The following DNAJB5 variants were observed in gnomAD, a reference collection of about 807,000 sequenced individuals.
DNAJB5 encodes DnaJ heat shock protein family (Hsp40) member B5, also known as dnaJ homolog subfamily B member 5.
DNAJB5 carries 12 observed loss-of-function variants against 32.6 expected under a neutral mutation model. That is an observed-to-expected ratio of 0.37 (90% CI 0.24 to 0.60). The LOEUF (loss-of-function observed/expected upper bound fraction) is 0.60. DNAJB5 is among the 20% of genes least tolerant of loss of function. DNAJB5 has a pLI of 0.71. For synonymous variants in DNAJB5, 188 were observed against 212.9 expected (o/e 0.88, Z 1.02); for missense variants, 358 against 554.2 (o/e 0.65, Z 3.55).
Position 34,993,416 on chromosome 9 carries a change from G to A in DNAJB5, c.399G>A (p.Arg133=). 3 of 1,613,580 alleles carry A rather than the reference G, an allele frequency of 1.9e-6. No homozygotes were observed. Among genetic ancestry groups the A allele is most frequent in the Non-Finnish European group, 2.5e-6 (3 of 1,179,910 alleles). ...AYDVLSDPKK[R]GLYDQYGEEG... ...ATGTGCTAAGTGACCCCAAGAAACG[G>A]GGCCTGTATGACCAGTATGGGGAGG... Residue 133 remains arginine, a synonymous_variant, in exon 3 of 5, where the codon CGG becomes CGA. Coordinates refer to ENST00000682809, the MANE Select transcript of DNAJB5 (RefSeq NM_001349723.3). This position sits in a 1 kb window ranked among gnomAD's most constrained non-coding sequence, Gnocchi z 4.7.
Position 34,996,648 on chromosome 9 carries a change from C to T in DNAJB5, c.811C>T (p.Pro271Ser). Residue 271 changes from proline (P) to serine (S), a missense_variant, in exon 4 of 5, where the codon CCT becomes TCT. Physicochemically the swap from Pro to Ser is moderately conservative, Grantham distance 74. Transcript: ENST00000682809. The surrounding 1 kb of genome is among the most constrained non-coding windows in gnomAD (Gnocchi z 7.2). The stretch of plus-strand genomic sequence containing the variant: ...GAAGATCACAAGGCGTCGCCTCAAC[C>T]CTGATGGGCGAACTGTGCGCACCGA... ...RMKITRRRLN[P>S]DGRTVRTEDK... 6.2e-7 allele frequency: 1 copy of T among 1,614,140 alleles called. No individual in the cohort carries two copies. The highest frequency in any genetic ancestry group is 1.1e-5 in the South Asian group (1 of 91,086).
chr9:34,989,941 TGGGGATGC>T (rs995712085), intron 1 of DNAJB5, 110 bp downstream of exon 1: 1 of 1,080,102 alleles, frequency 9.3e-7, no homozygotes, highest in African/African-American at 1.8e-5. Flanking sequence ...TCTGCTGCCT[TGGGGATGC>T]GGGGCCCCGG....
chr9:34,993,436 G>T lies in DNAJB5; in HGVS notation c.419G>T (p.Gly140Val). Residue 140 changes from glycine to valine, a missense_variant, in exon 3 of 5, where the codon GGG (glycine) becomes GTG (valine). Gly to Val is a moderately radical substitution (Grantham distance 109, BLOSUM62 -3). Transcript: ENST00000682809. This position sits in a 1 kb window ranked among gnomAD's most constrained non-coding sequence, Gnocchi z 4.7. ...PKKRGLYDQY[G>V]EEGLKTGGGT... The stretch of plus-strand genomic sequence containing the variant: ...AAACGGGGCCTGTATGACCAGTATG[G>T]GGAGGAAGGTAAGAGGGCAGCACTC... The T allele has an allele frequency of 6.2e-7, 1 of 1,611,458 alleles. No homozygotes were observed. Among genetic ancestry groups the T allele is most frequent in the Non-Finnish European group, 8.5e-7 (1 of 1,179,398 alleles).
In DNAJB5 at chr9:34,996,521, C is replaced by A. The variant is rs776554155; in HGVS notation, c.684C>A (p.Ala228=). The A allele has an allele frequency of 1.2e-6, 2 of 1,614,136 alleles. No homozygotes were observed. The highest frequency in any genetic ancestry group is 1.7e-5 in the Admixed American group (1 of 60,022). ...FNGLSRGPRR[A]PEPLYPRRKV... ...GGCTGAGTAGGGGTCCAAGGCGAGC[C>A]CCAGAACCACTGTACCCTCGGCGCA... Residue 228 remains alanine, a synonymous_variant, in exon 4 of 5, where the codon GCC becomes GCA. Transcript: ENST00000682809. This position sits in a 1 kb window ranked among gnomAD's most constrained non-coding sequence, Gnocchi z 7.2.
chr9:34,997,071 G>C lies in DNAJB5; in HGVS notation c.1075G>C (p.Val359Leu), dbSNP rs754039902. The C allele has an allele frequency of 6.2e-7, 1 of 1,614,134 alleles. No individual in the cohort carries two copies. Among genetic ancestry groups the C allele is most frequent in the Non-Finnish European group, 8.5e-7 (1 of 1,180,052 alleles). Reference sequence around the variant, plus strand: ...GAACATTCCCACTATCGACGGCCGAGTGATCCCTTTGCCCTGCAATGATGT... The same window carrying C: ...GAACATTCCCACTATCGACGGCCGACTGATCCCTTTGCCCTGCAATGATGT... ...TVNIPTIDGR[V>L]IPLPCNDVIK... The change falls in exon 5 of 5, where the codon GTG becomes CTG. Residue 359 changes from valine to leucine, a missense_variant. This residue lies in a region of DNAJB5 where 248 missense variants were observed against 442.6 expected (regional missense o/e 0.56). Transcript: ENST00000682809. The surrounding 1 kb of genome is among the most constrained non-coding windows in gnomAD (Gnocchi z 4.1).
At chr9:34,991,686 G>A (rs1827649795) in intron 2 of DNAJB5, 1 of 249,772 alleles carries the variant, frequency 4.0e-6, no homozygotes, top group Non-Finnish European at 7.6e-6. Context: ...CCCCAACGAG[G>A]TGCTCTTTCT....
chr9:34,990,790 C>G lies in DNAJB5; in HGVS notation c.160C>G (p.Leu54Val). 6.4e-7 allele frequency: 1 copy of G among 1,551,472 alleles called. No individual in the cohort carries two copies. The highest frequency in any genetic ancestry group is 8.7e-7 in the Non-Finnish European group (1 of 1,146,882). ...GCCCTTAAAACTTCGAGCGTGGACGCTGAATGGGTTTGTAAAGTTTCGGTA... is the reference window on the plus strand; with the variant it reads ...GCCCTTAAAACTTCGAGCGTGGACGGTGAATGGGTTTGTAAAGTTTCGGTA... ...LEPLKLRAWTLNGFVKFRNKE... is the reference protein window; with the variant it reads ...LEPLKLRAWTVNGFVKFRNKE... Residue 54 changes from leucine (L) to valine (V), a missense_variant, in exon 2 of 5, where the codon CTG becomes GTG. Coordinates refer to ENST00000682809, the MANE Select transcript of DNAJB5 (RefSeq NM_001349723.3). This position sits in a 1 kb window ranked among gnomAD's most constrained non-coding sequence, Gnocchi z 4.5.
In DNAJB5 at chr9:34,996,701, G is replaced by T; in HGVS notation, c.864G>T (p.Lys288Asn). 1 of 1,614,170 alleles carries T rather than the reference G, an allele frequency of 6.2e-7. No individual in the cohort carries two copies. The highest frequency in any genetic ancestry group is 8.5e-7 in the Non-Finnish European group (1 of 1,180,024). ...TEDKILHIVI[K>N]RGWKEGTKIT... Reference sequence around the variant, plus strand: ...ACAAGATCCTGCACATAGTCATCAAGCGTGGCTGGAAGGAAGGCACCAAGA... The same window carrying T: ...ACAAGATCCTGCACATAGTCATCAATCGTGGCTGGAAGGAAGGCACCAAGA... Residue 288 changes from lysine to asparagine, a missense_variant, in exon 4 of 5, where the codon AAG becomes AAT. By Grantham distance (94) the Lys-to-Asn change is moderately conservative (BLOSUM62 0). Around this residue, in one of 2 missense-constraint regions of DNAJB5, gnomAD observed 248 missense variants for 442.6 expected, o/e 0.56. Transcript: ENST00000682809. The surrounding 1 kb of genome is among the most constrained non-coding windows in gnomAD (Gnocchi z 7.2).
Position 34,990,247 on chromosome 9 carries a change from CTTCA to C in DNAJB5, c.-132-249_-132-246del. ...CGAGGGAGGAGACTCCCGTCAGTGACTTCATTGAGTAGGTTCTTGGGGATTGGGG... is the reference window on the plus strand; with the variant it reads ...CGAGGGAGGAGACTCCCGTCAGTGACTTGAGTAGGTTCTTGGGGATTGGGG... On this transcript the variant is annotated intron_variant, in intron 1 of 4. Transcript: ENST00000682809. This position sits in a 1 kb window ranked among gnomAD's most constrained non-coding sequence, Gnocchi z 4.5. 2.3e-6 allele frequency: 3 copies of C among 1,331,036 alleles called. No individual in the cohort carries two copies. Among genetic ancestry groups the C allele is most frequent in the Non-Finnish European group, 2.9e-6 (3 of 1,022,422 alleles). 82.5% of individuals were successfully genotyped at this position (1,331,036 alleles called of 1,614,324 possible).
In DNAJB5 at chr9:34,993,272, G is replaced by A. The variant is rs574479204; in HGVS notation, c.255G>A (p.Ser85=). Residue 85 remains serine (S), a synonymous_variant, in exon 3 of 5, where the codon TCG becomes TCA. Transcript: ENST00000682809. The surrounding 1 kb of genome is among the most constrained non-coding windows in gnomAD (Gnocchi z 4.7). The part of the protein sequence containing the change: ...KDYYKILGIP[S]GANEDEIKKA... ...ATTACAAGATTCTTGGGATCCCATC[G>A]GGGGCCAACGAGGATGAGATCAAGA... 2.6e-5 allele frequency: 42 copies of A among 1,614,122 alleles called. No individual in the cohort carries two copies. The South Asian group carries it at 2.6e-4, about 10-fold the overall frequency.
At position 34,990,276 on chromosome 9, in the gene DNAJB5, G is replaced by T. The variant is rs778855781; in HGVS notation, c.-132-223G>T. 1 of 1,381,980 alleles carries T rather than the reference G, an allele frequency of 7.2e-7. No homozygotes were observed. The highest frequency in any genetic ancestry group is 9.5e-7 in the Non-Finnish European group (1 of 1,052,400). The allele number at this position is 1,381,980 out of a possible 1,614,324, so 85.6% of individuals were successfully genotyped here. On this transcript the variant is annotated intron_variant, in intron 1 of 4. Transcript: ENST00000682809. This position sits in a 1 kb window ranked among gnomAD's most constrained non-coding sequence, Gnocchi z 4.5. ...ATTGAGTAGGTTCTTGGGGATTGGG[G>T]TCGGGTCCTCCCCAGTGAGAGGCGA...
At chr9:34,992,808 G>A in intron 2 of DNAJB5, 2 of 1,036,742 alleles carry the variant, frequency 1.9e-6, no homozygotes, top group Non-Finnish European at 2.3e-6. Flanking sequence ...CGATGCTCAG[G>A]TGACCTCACC....
chr9:34,996,690 A>G lies in DNAJB5; in HGVS notation c.853A>G (p.Ile285Val), dbSNP rs1827807803. The change falls in exon 4 of 5, where the codon ATA (isoleucine) becomes GTA (valine). Residue 285 changes from isoleucine to valine, a missense_variant. Around this residue, in one of 2 missense-constraint regions of DNAJB5, gnomAD observed 248 missense variants for 442.6 expected, o/e 0.56. Transcript: ENST00000682809. The surrounding 1 kb of genome is among the most constrained non-coding windows in gnomAD (Gnocchi z 7.2). ...GCGCACCGAGGACAAGATCCTGCAC[A>G]TAGTCATCAAGCGTGGCTGGAAGGA... The part of the protein sequence containing the change: ...TVRTEDKILH[I>V]VIKRGWKEGT... 15 of 1,614,058 alleles carry G rather than the reference A, an allele frequency of 9.3e-6. No individual in the cohort carries two copies. Among genetic ancestry groups the G allele is most frequent in the South Asian group, 6.6e-5 (6 of 91,088 alleles).
In DNAJB5 at chr9:34,990,593, T is replaced by G. The variant is rs745634523; in HGVS notation, c.-38T>G. ...CAGAGCTGCAGCACTTCAGGCCGGC[T>G]CCGGTGGAGCGATCAGAGGTGAGGG... On this transcript the variant is annotated 5_prime_UTR_variant, in exon 2 of 5. Transcript: ENST00000682809. The surrounding 1 kb of genome is among the most constrained non-coding windows in gnomAD (Gnocchi z 4.5). 4.5e-6 allele frequency: 7 copies of G among 1,551,266 alleles called. No individual in the cohort carries two copies. Among genetic ancestry groups the G allele is most frequent in the Admixed American group, 3.9e-5 (2 of 50,972 alleles).
At chr9:34,995,776 G>A (rs539969618) in intron 3 of DNAJB5, among the ~76,000 whole-genome samples, 6 of 152,320 alleles carry the variant, frequency 3.9e-5, no homozygotes, top group Non-Finnish European at 7.3e-5. Context: ...TCTTCCTCCC[G>A]GGTTGGATCC....
In DNAJB5 at chr9:34,989,794, G is replaced by T; in HGVS notation, c.-170G>T. Reference sequence around the variant, plus strand: ...GGAGCCGGGGGAGGGGGCAGCGGCTGTCTCACGGACCACGGCGGCGCCCGC... The same window carrying T: ...GGAGCCGGGGGAGGGGGCAGCGGCTTTCTCACGGACCACGGCGGCGCCCGC... On this transcript the variant is annotated 5_prime_UTR_variant, in exon 1 of 5. Coordinates refer to ENST00000682809, the MANE Select transcript of DNAJB5 (RefSeq NM_001349723.3). 8.1e-7 allele frequency: 1 copy of T among 1,231,700 alleles called. No individual in the cohort carries two copies. The highest frequency in any genetic ancestry group is 1.0e-6 in the Non-Finnish European group (1 of 987,814). 76.3% of individuals were successfully genotyped at this position (1,231,700 alleles called of 1,614,324 possible). A position where few individuals can be genotyped will look rare whatever the true frequency, so the allele number is the denominator to read the frequency against.
At chr9:34,994,320 A>G (rs1481623529) in intron 3 of DNAJB5, among the ~76,000 whole-genome samples, 3 of 152,128 alleles carry the variant, frequency 2.0e-5, no homozygotes, top group Non-Finnish European at 2.9e-5. Context: ...AAATGGGCTA[A>G]TCATATGTAG....
chr9:34,996,249 T>A lies in DNAJB5; in HGVS notation c.428-16T>A. 1 of 1,604,698 alleles carries A rather than the reference T, an allele frequency of 6.2e-7. No homozygotes were observed. The highest frequency in any genetic ancestry group is 1.1e-5 in the South Asian group (1 of 89,832). On this transcript the variant is annotated splice_polypyrimidine_tract_variant and intron_variant, in intron 3 of 4. Transcript: ENST00000682809. This position sits in a 1 kb window ranked among gnomAD's most constrained non-coding sequence, Gnocchi z 7.2. ...CAGAATAAGCCACACTGCCCCTAACTTCTCCTCCCCTCTAGGCCTGAAGAC... is the reference window on the plus strand; with the variant it reads ...CAGAATAAGCCACACTGCCCCTAACATCTCCTCCCCTCTAGGCCTGAAGAC...
At chr9:34,998,864 G>C (rs537265109), downstream of DNAJB5, 1 of 147,874 alleles carries the variant, frequency 6.8e-6, no homozygotes, top group Admixed American at 6.8e-5. Context: ...GCCCAGGCTG[G>C]AGTGCAGTGA....
Sources: gnomAD v4.1 joint callset for allele counts (sites outside exome capture counted in the v4.1 genomes callset) on GRCh38, gnomAD v4.1.1 for gene constraint, gnomAD v4.1.1 regional missense constraint, Gnocchi (gnomAD v3.1) non-coding constraint, MANE v1.5 for transcripts, NCBI Gene and HGNC (gene_info 2026-07-23, HGNC 2026-07-21) for gene names.